The following PRKG1 variants were observed in gnomAD, a reference collection of about 807,000 sequenced individuals.
PRKG1 encodes the protein protein kinase cGMP-dependent 1, also known as cGMP-dependent protein kinase 1.
In PRKG1, 35 loss-of-function variants were observed where a neutral mutation model predicts 88.1. The observed-to-expected ratio is 0.40, with a 90% CI of 0.30 to 0.53. The LOEUF (loss-of-function observed/expected upper bound fraction) is 0.53, where lower values mean the gene tolerates loss of function less well. PRKG1 is among the 20% of genes least tolerant of loss of function. The probability of loss-of-function intolerance (pLI) is 0.59; values close to 1 mark genes in which losing one functional copy is unlikely to be tolerated. For synonymous variants in PRKG1, 303 were observed against 292.5 expected, an observed-to-expected ratio of 1.04 and a Z score of -0.37; for missense variants, 540 against 839.8, an observed-to-expected ratio of 0.64 and a Z score of 4.41.
intron 2 of PRKG1, among the ~76,000 whole-genome samples, chr10:51,461,760 A>T (rs1326586026): frequency 6.6e-6 from 1 of 152,206 alleles, no homozygotes; most frequent in Admixed American, 6.5e-5. Flanking sequence ...TAAGAAAGAC[A>T]TATATAAATG....
At chr10:51,423,142 T>G (rs981809088) in intron 2 of PRKG1, among the ~76,000 whole-genome samples, 11 of 152,142 alleles carry the variant, frequency 7.2e-5, no homozygotes, top group Non-Finnish European at 1.5e-4. Context: ...TCTATTCAAA[T>G]CAAGTGTGTG....
chr10:51,201,920 A>G (rs1477132929), intron 2 of PRKG1, among the ~76,000 whole-genome samples: 1 of 152,232 alleles, frequency 6.6e-6, no homozygotes, highest in Non-Finnish European at 1.5e-5. Context: ...GCAAGTGAAC[A>G]AGTTTCTATT....
chr10:51,817,118 C>T lies in PRKG1; in HGVS notation c.698+12428C>T, dbSNP rs1368013978. Among the ~76,000 whole-genome samples, 5 of 152,104 alleles carry T rather than the reference C, an allele frequency of 3.3e-5. No homozygotes were observed. The East Asian group carries it at 9.6e-4, about 29-fold the overall frequency. ...TTTTATGTGCGTTGAACTCTGTACA[C>T]TTAGCATTGCTTCTTGAAATTAGGT... On this transcript the variant is annotated intron_variant, in intron 4 of 17. Transcript: ENST00000373980.
intron 17 of PRKG1, among the ~76,000 whole-genome samples, chr10:52,291,209 CCGCGCTGGGCCTACGTGATCACTCTT>C (rs1589763410): frequency 6.6e-6 from 1 of 151,592 alleles, no homozygotes; most frequent in East Asian, 1.9e-4. Context: ...GACGTGAGCA[CCGCGCTGGGCCTACGTGATCACTCTT>C]TTATTTTTTT....
At chr10:51,552,968 C>CA (rs1837179413) in intron 3 of PRKG1, among the ~76,000 whole-genome samples, 1 of 151,342 alleles carries the variant, frequency 6.6e-6, no homozygotes, top group African/African-American at 2.4e-5. Context: ...ATAACTAAAA[C>CA]AAAAAAATTA....
chr10:52,003,477 GC>G (rs1280370657), intron 5 of PRKG1, among the ~76,000 whole-genome samples: 2 of 152,166 alleles, frequency 1.3e-5, no homozygotes, highest in Admixed American at 6.5e-5. Flanking sequence ...TGTAAGAACA[GC>G]AACAGTAAAG....
chr10:52,003,886 T>C (rs868854014), intron 5 of PRKG1, among the ~76,000 whole-genome samples: 3 of 152,342 alleles, frequency 2.0e-5, no homozygotes, highest in Middle Eastern at 3.4e-3. Context: ...TCAGACTTCC[T>C]GCACTGGTAG....
At chr10:51,676,473 A>G (rs915185452) in intron 3 of PRKG1, among the ~76,000 whole-genome samples, 12 of 152,008 alleles carry the variant, frequency 7.9e-5, no homozygotes, top group African/African-American at 2.4e-4. Context: ...AAAAAAAAAA[A>G]AAAAATAGTA....
intron 2 of PRKG1, among the ~76,000 whole-genome samples, chr10:51,264,626 C>T (rs61849756): frequency 0.11 from 17,008 of 152,072 alleles, 1,321 homozygotes; most frequent in African/African-American, 0.22. Context: ...GATTCCATAG[C>T]ACTTGGGCTT....
chr10:52,064,265 G>T (rs138128488), intron 7 of PRKG1, among the ~76,000 whole-genome samples: 1 of 152,210 alleles, frequency 6.6e-6, no homozygotes, highest in Non-Finnish European at 1.5e-5. Flanking sequence ...GTTGTCAGGG[G>T]ACTGGCATGC....
rs956855362 is a variant in PRKG1 at position 51,364,378 on chromosome 10, G to T, written c.479-103345G>T. Among the ~76,000 whole-genome samples the T allele has an allele frequency of 2.0e-5, 3 of 151,938 alleles. No individual in the cohort carries two copies. The East Asian group carries it at 5.8e-4, about 29-fold the overall frequency. ...GTTTGGGCACACAATATCCTTCAGAGATATGACATCACAAAAGGCTATTGA... is the reference window on the plus strand; with the variant it reads ...GTTTGGGCACACAATATCCTTCAGATATATGACATCACAAAAGGCTATTGA... On this transcript the variant is annotated intron_variant, in intron 2 of 17. Coordinates refer to ENST00000373980, the MANE Select transcript of PRKG1 (RefSeq NM_006258.4).
chr10:51,424,309 C>T (rs1588944831), intron 2 of PRKG1, among the ~76,000 whole-genome samples: 1 of 152,010 alleles, frequency 6.6e-6, no homozygotes, highest in African/African-American at 2.4e-5. Context: ...ATTTTTTCCA[C>T]ATATATTTCA....
intron 2 of PRKG1, among the ~76,000 whole-genome samples, chr10:51,249,658 A>G (rs1839380064): frequency 6.6e-6 from 1 of 151,860 alleles, no homozygotes; most frequent in Non-Finnish European, 1.5e-5. Context: ...ACCATTTATT[A>G]AAATAATCGC....
At chr10:51,060,882 G>A (rs997998872) in intron 1 of PRKG1, among the ~76,000 whole-genome samples, 27 of 151,854 alleles carry the variant, frequency 1.8e-4, no homozygotes, top group African/African-American at 5.3e-4. Flanking sequence ...AGAATTCTTC[G>A]TTGTCAGATT....
intron 5 of PRKG1, among the ~76,000 whole-genome samples, chr10:52,043,970 T>C (rs1038775889): frequency 1.3e-5 from 2 of 151,270 alleles, no homozygotes; most frequent in Non-Finnish European, 2.9e-5. Flanking sequence ...GTTATCCCTT[T>C]CTTTGTCTGA....
chr10:51,140,650 C>A (rs1267721415), intron 1 of PRKG1, among the ~76,000 whole-genome samples: 1 of 152,180 alleles, frequency 6.6e-6, no homozygotes, highest in Non-Finnish European at 1.5e-5. Context: ...CTGTGTAGCT[C>A]TCCTCCTTGT....
At chr10:52,016,815 T>G (rs1375268194) in intron 5 of PRKG1, among the ~76,000 whole-genome samples, 1 of 152,268 alleles carries the variant, frequency 6.6e-6, no homozygotes, top group East Asian at 1.9e-4. Flanking sequence ...AATAAAAATT[T>G]TTTAAAAACA....
chr10:51,246,058 G>C (rs1327023778), intron 2 of PRKG1, among the ~76,000 whole-genome samples: 1 of 152,056 alleles, frequency 6.6e-6, no homozygotes, highest in Admixed American at 6.6e-5. Context: ...AGGCTATAGA[G>C]AAGCCTCAAA....
intron 4 of PRKG1, among the ~76,000 whole-genome samples, chr10:51,869,388 T>G (rs1023834203): frequency 4.6e-5 from 6 of 131,610 alleles, no homozygotes; most frequent in Non-Finnish European, 8.8e-5. Context: ...ATAACTGCTG[T>G]TTTTTTTTTA....
Sources: gnomAD v4.1 joint callset for allele counts (sites outside exome capture counted in the v4.1 genomes callset) on GRCh38, gnomAD v4.1.1 for gene constraint, MANE v1.5 for transcripts, NCBI Gene and HGNC (gene_info 2026-07-23, HGNC 2026-07-21) for gene names.